The following SAMD5 variants were observed in gnomAD, a reference collection of about 807,000 sequenced individuals.
SAMD5 encodes the protein sterile alpha motif domain-containing protein 5.
SAMD5 carries 13 observed loss-of-function variants against 11.3 expected under a neutral mutation model. The ratio of observed to expected loss-of-function variants is 1.15; its 90% CI spans 0.75 to 1.83. SAMD5 has a LOEUF of 1.83. SAMD5 is among the 40% of genes most tolerant of loss of function. The probability of loss-of-function intolerance (pLI) is 0.00; values close to 1 mark genes in which losing one functional copy is unlikely to be tolerated. For synonymous variants in SAMD5, 129 were observed against 111.3 expected (o/e 1.16, Z -1.00); for missense variants, 255 against 239.1 (o/e 1.07, Z -0.44).
intron 1 of SAMD5, among the ~76,000 whole-genome samples, chr6:147,581,510 A>G (rs922644800): frequency 6.6e-6 from 1 of 152,166 alleles, no homozygotes; most frequent in Non-Finnish European, 1.5e-5. Context: ...GAAGTGATGG[A>G]TGGAGGAACA....
intron 1 of SAMD5, among the ~76,000 whole-genome samples, chr6:147,637,381 T>C (rs1790245070): frequency 6.6e-6 from 1 of 152,234 alleles, no homozygotes; most frequent in South Asian, 2.1e-4. Flanking sequence ...TTTATCTCTC[T>C]GAACCTCAGC....
At chr6:147,848,264 G>A in the SAMD5 span, among the ~76,000 whole-genome samples, 7 of 152,076 alleles carry the variant, frequency 4.6e-5, no homozygotes, top group Admixed American at 6.6e-5. Context: ...GTGAAGGGGC[G>A]GTCTGGATGA....
At chr6:147,716,193 C>T (rs959897228) in intron 1 of SAMD5, among the ~76,000 whole-genome samples, 3 of 152,194 alleles carry the variant, frequency 2.0e-5, no homozygotes, top group African/African-American at 7.2e-5. Flanking sequence ...CCTCGGCCTC[C>T]TTCCTGTGCT....
chr6:147,532,401 T>G (rs1175621472), intron 1 of SAMD5, among the ~76,000 whole-genome samples: 1 of 152,180 alleles, frequency 6.6e-6, no homozygotes, highest in Admixed American at 6.5e-5. Flanking sequence ...TATTTGGGTT[T>G]CCATTCCTGA....
chr6:147,910,136 T>A, the SAMD5 span, among the ~76,000 whole-genome samples: 1 of 152,126 alleles, frequency 6.6e-6, no homozygotes, highest in Non-Finnish European at 1.5e-5. Context: ...TAGGGTTTTT[T>A]TAATGTTCTC....
At chr6:147,913,455 G>A in the SAMD5 span, among the ~76,000 whole-genome samples, 4 of 152,312 alleles carry the variant, frequency 2.6e-5, no homozygotes, top group South Asian at 6.2e-4. Flanking sequence ...CAGCACTTCA[G>A]GAGGCTGAGG....
intron 1 of SAMD5, among the ~76,000 whole-genome samples, chr6:147,620,317 G>T (rs9497824): frequency 0.43 from 65,914 of 152,002 alleles, 14,970 homozygotes; most frequent in East Asian, 0.58. Context: ...CACAGATTCT[G>T]GCCCCAGCCT....
intron 1 of SAMD5, among the ~76,000 whole-genome samples, chr6:147,718,980 C>T (rs369564785): frequency 1.3e-5 from 2 of 152,156 alleles, no homozygotes; most frequent in African/African-American, 4.8e-5. Flanking sequence ...CGTGAGCCAC[C>T]GCGCCCGGCC....
chr6:147,741,770 C>T (rs963796774), downstream of SAMD5: 1 of 152,186 alleles, frequency 6.6e-6, no homozygotes, highest in East Asian at 1.9e-4. Flanking sequence ...TGTGTTACCA[C>T]GAAACACAAT....
chr6:147,775,219 G>A, the SAMD5 span, among the ~76,000 whole-genome samples: 1 of 141,622 alleles, frequency 7.1e-6, no homozygotes, highest in Non-Finnish European at 1.6e-5. Context: ...GTCAGATGAT[G>A]TGGGTTCAAA....
chr6:147,803,088 C>T, the SAMD5 span, among the ~76,000 whole-genome samples: 2 of 149,020 alleles, frequency 1.3e-5, no homozygotes, highest in Non-Finnish European at 3.0e-5. Context: ...ATACTAAATA[C>T]TTCTTTTCTC....
At chr6:147,620,065 G>A (rs771081487) in intron 1 of SAMD5, among the ~76,000 whole-genome samples, 1 of 152,120 alleles carries the variant, frequency 6.6e-6, no homozygotes. Flanking sequence ...TTTGGTCCCC[G>A]GAGCCACGTG....
chr6:147,861,668 AG>A, the SAMD5 span, among the ~76,000 whole-genome samples: 30 of 152,326 alleles, frequency 2.0e-4, no homozygotes, highest in Non-Finnish European at 1.5e-4. Flanking sequence ...AACCATCAAA[AG>A]GAAATGTAGG....
intron 1 of SAMD5, among the ~76,000 whole-genome samples, chr6:147,518,150 A>G (rs965990419): frequency 6.6e-6 from 1 of 152,220 alleles, no homozygotes; most frequent in Admixed American, 6.5e-5. Flanking sequence ...CCCGGATATC[A>G]GTAAACTGTG....
chr6:147,909,566 T>TCCTTTCTA, the SAMD5 span, among the ~76,000 whole-genome samples: 1 of 41,716 alleles, frequency 2.4e-5, no homozygotes, highest in Non-Finnish European at 4.2e-5. Flanking sequence ...TCTTTTTTCT[T>TCCTTTCTA]TCTTTCTTTC....
the SAMD5 span, among the ~76,000 whole-genome samples, chr6:147,939,707 G>A: frequency 3.9e-5 from 6 of 152,126 alleles, no homozygotes; most frequent in Admixed American, 2.0e-4. Context: ...CCAAGCAATC[G>A]GTAGTTCCAT....
At chr6:147,583,711 C>T (rs1789333521) in intron 1 of SAMD5, among the ~76,000 whole-genome samples, 1 of 152,070 alleles carries the variant, frequency 6.6e-6, no homozygotes, top group South Asian at 2.1e-4. Flanking sequence ...AACCTGTTGC[C>T]ATTCTGCCCC....
At chr6:147,539,828 A>G (rs1788571465) in intron 1 of SAMD5, among the ~76,000 whole-genome samples, 1 of 152,136 alleles carries the variant, frequency 6.6e-6, no homozygotes, top group African/African-American at 2.4e-5. Flanking sequence ...TTGTTTATCC[A>G]CTTTTAATTA....
chr6:147,605,140 A>T (rs771749987), intron 1 of SAMD5, among the ~76,000 whole-genome samples: 58 of 152,260 alleles, frequency 3.8e-4, no homozygotes, highest in Non-Finnish European at 7.4e-4. Flanking sequence ...TTTTTAACAG[A>T]CAAGGACTGG....
Sources: allele counts gnomAD v4.1 joint callset (sites outside exome capture counted in the v4.1 genomes callset), GRCh38; gene constraint gnomAD v4.1.1; transcripts MANE v1.5; gene names NCBI Gene and HGNC (gene_info 2026-07-23, HGNC 2026-07-21).